The following ATXN7L1 variants were observed in gnomAD, a reference collection of about 807,000 sequenced individuals.
ATXN7L1 encodes the protein ataxin 7 like 1.
In ATXN7L1, 15 loss-of-function variants were observed where a neutral mutation model predicts 70.8. That is an observed-to-expected ratio of 0.21 (90% CI 0.14 to 0.33). The LOEUF (loss-of-function observed/expected upper bound fraction) is 0.33. Among genes scored for constraint, ATXN7L1 ranks in the 10% least tolerant of loss-of-function variants. ATXN7L1 has a pLI of 1.00. For synonymous variants in ATXN7L1, 440 were observed against 445.1 expected (o/e 0.99, Z 0.14); for missense variants, 975 against 1,097.1 (o/e 0.89, Z 1.57).
intron 7 of ATXN7L1, among the ~76,000 whole-genome samples, chr7:105,633,391 A>G (rs1220458304): frequency 1.3e-5 from 2 of 152,228 alleles, no homozygotes; most frequent in Non-Finnish European, 2.9e-5. Flanking sequence ...GCACAGTTTA[A>G]TTTTTGAACT....
At chr7:105,860,140 TATATATAC>T (rs71155486) in intron 2 of ATXN7L1, among the ~76,000 whole-genome samples, 21,432 of 93,506 alleles carry the variant, frequency 0.23, 2,686 homozygotes, top group Non-Finnish European at 0.31. Flanking sequence ...TATATATATA[TATATATAC>T]ATATATATAT....
At chr7:105,698,848 G>A (rs1231923217) in intron 3 of ATXN7L1, among the ~76,000 whole-genome samples, 1 of 152,212 alleles carries the variant, frequency 6.6e-6, no homozygotes, top group Non-Finnish European at 1.5e-5. Context: ...CCAGAGCATA[G>A]AAACTTTGCT....
intron 2 of ATXN7L1, among the ~76,000 whole-genome samples, chr7:105,825,861 A>G (rs949079484): frequency 4.6e-5 from 7 of 152,200 alleles, no homozygotes; most frequent in African/African-American, 1.7e-4. Flanking sequence ...GAAACTGGAT[A>G]GATTCAGATA....
At chr7:105,852,134 C>T (rs1230389217) in intron 2 of ATXN7L1, among the ~76,000 whole-genome samples, 1 of 152,144 alleles carries the variant, frequency 6.6e-6, no homozygotes, top group African/African-American at 2.4e-5. Context: ...TACCCTGTTC[C>T]CAGAGGCTTG....
chr7:105,775,157 A>G (rs1802549250), intron 3 of ATXN7L1, among the ~76,000 whole-genome samples: 1 of 152,218 alleles, frequency 6.6e-6, no homozygotes, highest in Admixed American at 6.5e-5. Context: ...CAGCATTCCC[A>G]AATTTGCACC....
intron 2 of ATXN7L1, among the ~76,000 whole-genome samples, chr7:105,793,785 T>C: frequency 6.6e-6 from 1 of 152,180 alleles, no homozygotes; most frequent in East Asian, 1.9e-4. Context: ...CACAGCATTA[T>C]CACAGAGTGA....
rs140054237 is a variant in ATXN7L1, at chr7:105,669,256, A to G, written c.356-3968T>C. On this transcript the variant is annotated intron_variant, in intron 3 of 11. Transcript: ENST00000419735. ...ACCACCATGCCTGACTTATTTTTGT[A>G]TTTTTAGTAGAGACAGGGTTTCGCC... Among the ~76,000 whole-genome samples, 933 of 152,084 alleles carry G rather than the reference A, an allele frequency of 6.1e-3. 10 individuals are homozygous for G. The highest frequency in any genetic ancestry group is 0.021 in the African/African-American group (884 of 41,460).
chr7:105,765,196 TGGTGG>T (rs1801084211), intron 3 of ATXN7L1, among the ~76,000 whole-genome samples: 1 of 151,342 alleles, frequency 6.6e-6, no homozygotes. Context: ...TAGCCAGGCA[TGGTGG>T]GGCATGCCTG....
At chr7:105,853,222 A>T (rs1815150207) in intron 2 of ATXN7L1, among the ~76,000 whole-genome samples, 1 of 152,254 alleles carries the variant, frequency 6.6e-6, no homozygotes, top group African/African-American at 2.4e-5. Context: ...AAAGTATTAA[A>T]ATTTTAAGTT....
At chr7:105,771,509 T>A (rs1802007586) in intron 3 of ATXN7L1, among the ~76,000 whole-genome samples, 1 of 152,166 alleles carries the variant, frequency 6.6e-6, no homozygotes, top group African/African-American at 2.4e-5. Flanking sequence ...GATTATGAGC[T>A]GTGAATGAAG....
At chr7:105,640,778 C>A (rs1482993532) in intron 5 of ATXN7L1, among the ~76,000 whole-genome samples, 1 of 152,236 alleles carries the variant, frequency 6.6e-6, no homozygotes, top group African/African-American at 2.4e-5. Flanking sequence ...TAAAATTCCA[C>A]CTCTTGGATG....
intron 3 of ATXN7L1, among the ~76,000 whole-genome samples, chr7:105,729,980 GCC>G: frequency 6.6e-6 from 1 of 151,964 alleles, no homozygotes; most frequent in South Asian, 2.1e-4. Flanking sequence ...CTAGTGATCC[GCC>G]CGTCTCGGCC....
chr7:105,640,768 T>C (rs1250259473), intron 5 of ATXN7L1, among the ~76,000 whole-genome samples: 1 of 152,246 alleles, frequency 6.6e-6, no homozygotes, highest in Non-Finnish European at 1.5e-5. Flanking sequence ...TTTTGGGCTT[T>C]AAAATTCCAC....
intron 3 of ATXN7L1, among the ~76,000 whole-genome samples, chr7:105,718,202 T>C (rs1195912210): frequency 2.0e-5 from 3 of 152,192 alleles, no homozygotes; most frequent in Admixed American, 1.3e-4. Context: ...GTAGCTATGC[T>C]AGATAGCCCC....
chr7:105,867,300 C>T (rs1475424446), intron 2 of ATXN7L1, among the ~76,000 whole-genome samples: 1 of 152,254 alleles, frequency 6.6e-6, no homozygotes, highest in Non-Finnish European at 1.5e-5. Flanking sequence ...GGTAATCAAA[C>T]TGCAGAGAAC....
chr7:105,671,152 G>A (rs1288234010), intron 3 of ATXN7L1, among the ~76,000 whole-genome samples: 3 of 149,058 alleles, frequency 2.0e-5, no homozygotes, highest in Non-Finnish European at 3.0e-5. Flanking sequence ...GTGTGGTGGC[G>A]GGTGCCTGTA....
chr7:105,627,110 A>G (rs922316456), intron 7 of ATXN7L1, among the ~76,000 whole-genome samples: 1 of 152,208 alleles, frequency 6.6e-6, no homozygotes, highest in Non-Finnish European at 1.5e-5. Context: ...CTCTCTCTCT[A>G]TGAAGCCCTC....
At chr7:105,622,660 C>T (rs753936797) in intron 8 of ATXN7L1, among the ~76,000 whole-genome samples, 15 of 152,328 alleles carry the variant, frequency 9.8e-5, no homozygotes, top group South Asian at 2.1e-4. Context: ...GTTCCTCCTG[C>T]GTCACTGCAA....
chr7:105,773,879 T>TA (rs1563081541), intron 3 of ATXN7L1, among the ~76,000 whole-genome samples: 1 of 151,578 alleles, frequency 6.6e-6, no homozygotes, highest in Non-Finnish European at 1.5e-5. Context: ...GAGAAGTGGT[T>TA]AAAAAAAATA....
Sources: gnomAD v4.1 joint callset for allele counts (sites outside exome capture counted in the v4.1 genomes callset) on GRCh38, gnomAD v4.1.1 for gene constraint, MANE v1.5 for transcripts, NCBI Gene and HGNC (gene_info 2026-07-23, HGNC 2026-07-21) for gene names.